Variants in CHD6 observed in about 807,000 individuals in gnomAD.
The protein encoded by CHD6 is ATP-dependent chromatin remodeler CHD6.
A neutral mutation model predicts 276.9 loss-of-function variants in CHD6; 50 were observed. That is an observed-to-expected ratio of 0.18 (90% CI 0.14 to 0.23). The LOEUF (loss-of-function observed/expected upper bound fraction) is 0.23. Ranked by LOEUF, CHD6 falls within the 10% of genes least tolerant of loss-of-function variation. The pLI is 1.00. For synonymous variants in CHD6, 1,173 were observed against 1,229.3 expected (o/e 0.95, Z 0.96); for missense variants, 2,564 against 3,365.8 (o/e 0.76, Z 5.89).
At chr20:41,409,257 G>A (rs894511993) in intron 36 of CHD6, among the ~76,000 whole-genome samples, 6 of 152,180 alleles carry the variant, frequency 3.9e-5, no homozygotes, top group East Asian at 1.9e-4. Flanking sequence ...CCAGCAGCGC[G>A]GCGACCACAC....
At chr20:41,419,261 G>A (rs1245343657) in intron 31 of CHD6, among the ~76,000 whole-genome samples, 1 of 151,970 alleles carries the variant, frequency 6.6e-6, no homozygotes, top group East Asian at 1.9e-4. Context: ...CTAAAACCAA[G>A]ACGAGGAGTT....
At chr20:41,455,751 T>TC in intron 19 of CHD6, 49 bp downstream of exon 19, 1 of 1,204,404 alleles carries the variant, frequency 8.3e-7, no homozygotes, top group Non-Finnish European at 1.1e-6. Flanking sequence ...AGAATAAACA[T>TC]TTTTTTTTCT....
intron 27 of CHD6, among the ~76,000 whole-genome samples, chr20:41,432,978 A>C (rs1371707560): frequency 1.3e-5 from 2 of 152,194 alleles, no homozygotes; most frequent in African/African-American, 4.8e-5. Context: ...CCAAAAATGA[A>C]AACCCAAAAC....
intron 17 of CHD6, among the ~76,000 whole-genome samples, chr20:41,472,396 C>T (rs1334885578): frequency 6.6e-6 from 1 of 152,190 alleles, no homozygotes; most frequent in African/African-American, 2.4e-5. Context: ...TCCTGTCAAA[C>T]AGCAGCCTCC....
intron 16 of CHD6, among the ~76,000 whole-genome samples, chr20:41,482,850 G>C (rs948166293): frequency 1.3e-5 from 2 of 152,116 alleles, no homozygotes; most frequent in African/African-American, 2.4e-5. Context: ...CCTTAAGAGG[G>C]CTTGCTGAGA....
At chr20:41,427,100 AG>A (rs879928781) in intron 27 of CHD6, among the ~76,000 whole-genome samples, 9 of 152,016 alleles carry the variant, frequency 5.9e-5, no homozygotes, top group Non-Finnish European at 1.0e-4. Flanking sequence ...GGTGAAAAAA[AG>A]GGAGGAAGAA....
At position 41,425,175 on chromosome 20, in the gene CHD6, T is replaced by TA; in HGVS notation, c.4346+2dup. 1 of 1,613,966 alleles carries TA rather than the reference T, an allele frequency of 6.2e-7. No homozygotes were observed. The highest frequency in any genetic ancestry group is 2.2e-5 in the East Asian group (1 of 44,892). Reference sequence around the variant, plus strand: ...GCATGCCCCTTTGGCCACTGGCTTTTACCTCTTTTGGGCTTCCTTGTTGAT... The same window carrying TA: ...GCATGCCCCTTTGGCCACTGGCTTTTAACCTCTTTTGGGCTTCCTTGTTGAT... On this transcript the variant is annotated splice_region_variant and intron_variant, in intron 29 of 36. Coordinates refer to ENST00000373233, the MANE Select transcript of CHD6 (RefSeq NM_032221.5).
intron 5 of CHD6, among the ~76,000 whole-genome samples, chr20:41,506,598 T>C (rs1450740311): frequency 2.0e-5 from 3 of 152,228 alleles, no homozygotes; most frequent in South Asian, 2.1e-4. Flanking sequence ...ATTTTTAGAA[T>C]GGCACTTACT....
chr20:41,455,991 A>C lies in CHD6; in HGVS notation c.2830-12T>G, dbSNP rs769188172. The C allele has an allele frequency of 2.1e-5, 31 of 1,500,848 alleles. No homozygotes were observed. The highest frequency in any genetic ancestry group is 2.7e-5 in the Non-Finnish European group (30 of 1,124,980). The allele number at this position is 1,500,848 out of a possible 1,614,324, so 93.0% of individuals were successfully genotyped here. A position where few individuals can be genotyped will look rare whatever the true frequency, so the allele number is the denominator to read the frequency against. On this transcript the variant is annotated splice_polypyrimidine_tract_variant and intron_variant, in intron 18 of 36. Transcript: ENST00000373233. ...GAGAGCTGCTGTACCTGGACAGGTC[A>C]CCAAAGGCTACTCACAAAGTGGAAA...
intron 27 of CHD6, among the ~76,000 whole-genome samples, chr20:41,431,623 C>T (rs117283809): frequency 0.036 from 5,541 of 152,134 alleles, 115 homozygotes; most frequent in Middle Eastern, 0.054. Flanking sequence ...TACAGACTGC[C>T]GCTTCTGGGA....
chr20:41,478,014 AC>A (rs2145804694), intron 16 of CHD6, among the ~76,000 whole-genome samples: 1 of 152,188 alleles, frequency 6.6e-6, no homozygotes, highest in East Asian at 1.9e-4. Flanking sequence ...ACTCTTTCTC[AC>A]CCCTCCCCCA....
At chr20:41,453,429 C>T (rs537905810) in intron 20 of CHD6, among the ~76,000 whole-genome samples, 3 of 152,322 alleles carry the variant, frequency 2.0e-5, no homozygotes, top group African/African-American at 7.2e-5. Context: ...TATCCACTAA[C>T]CTTTTGCCTT....
chr20:41,521,911 G>C (rs1348298064), intron 3 of CHD6, among the ~76,000 whole-genome samples: 1 of 152,210 alleles, frequency 6.6e-6, no homozygotes, highest in Non-Finnish European at 1.5e-5. Flanking sequence ...ATTGAGGACA[G>C]TAAAGAATTA....
chr20:41,577,736 CTTCAG>C (rs1357433483), intron 1 of CHD6, among the ~76,000 whole-genome samples: 2 of 152,188 alleles, frequency 1.3e-5, no homozygotes, highest in African/African-American at 4.8e-5. Flanking sequence ...GGTCAGTACA[CTTCAG>C]TTATTTTTCT....
chr20:41,553,333 C>T (rs2146153009), intron 1 of CHD6, among the ~76,000 whole-genome samples: 1 of 152,318 alleles, frequency 6.6e-6, no homozygotes, highest in East Asian at 1.9e-4. Flanking sequence ...CTTTTAAAGA[C>T]TACCTTTCTT....
At chr20:41,507,374 T>C in intron 5 of CHD6, among the ~76,000 whole-genome samples, 1 of 144,360 alleles carries the variant, frequency 6.9e-6, no homozygotes, top group East Asian at 2.1e-4. Flanking sequence ...TTAAGGAGTT[T>C]GAAGTAAAAT....
intron 1 of CHD6, among the ~76,000 whole-genome samples, chr20:41,597,134 GA>G (rs2045725934): frequency 1.3e-5 from 2 of 152,120 alleles, no homozygotes; most frequent in South Asian, 4.1e-4. Flanking sequence ...CTTCAAAAGA[GA>G]ATGTCCCAAA....
intron 3 of CHD6, among the ~76,000 whole-genome samples, chr20:41,524,765 G>A (rs994698552): frequency 3.3e-5 from 5 of 152,054 alleles, no homozygotes; most frequent in African/African-American, 4.8e-5. Context: ...CAGTATTTTC[G>A]TTGAACTCTC....
At chr20:41,543,774 T>G (rs1345605841) in intron 2 of CHD6, among the ~76,000 whole-genome samples, 1 of 152,210 alleles carries the variant, frequency 6.6e-6, no homozygotes, top group Admixed American at 6.5e-5. Flanking sequence ...CTTTTATCCT[T>G]ACAAAATGAG....
Sources: gnomAD v4.1 joint callset for allele counts (sites outside exome capture counted in the v4.1 genomes callset) on GRCh38, gnomAD v4.1.1 for gene constraint, MANE v1.5 for transcripts, NCBI Gene and HGNC (gene_info 2026-07-23, HGNC 2026-07-21) for gene names.